Variants in IPO11 observed in about 807,000 individuals in gnomAD.
IPO11 encodes importin-11.
In IPO11, 66 loss-of-function variants were observed where a neutral mutation model predicts 143.2. The ratio of observed to expected loss-of-function variants is 0.46; its 90% CI spans 0.38 to 0.57. The LOEUF is 0.57. IPO11 is among the 20% of genes least tolerant of loss of function. The pLI, the probability that IPO11 is intolerant of heterozygous loss-of-function variation, is 0.00. For synonymous variants in IPO11, 385 were observed against 377.8 expected (o/e 1.02, Z -0.22); for missense variants, 1,026 against 1,141.0 (o/e 0.90, Z 1.45).
chr5:62,452,432 C>T (rs1744966480), intron 5 of IPO11, among the ~76,000 whole-genome samples: 1 of 150,744 alleles, frequency 6.6e-6, no homozygotes, highest in East Asian at 1.9e-4. Flanking sequence ...ACTCTGAAGG[C>T]AAGGAGGTCA....
At position 62,470,670 on chromosome 5, in the gene IPO11, A is replaced by C. The variant is rs1745730734; in HGVS notation, c.708+362A>C. The stretch of plus-strand genomic sequence containing the variant: ...TTTTCCTTTGTTTTTATGTATTTAA[A>C]ATAAATTTGTTTTTTTCTGTCTGAT... On this transcript the variant is annotated intron_variant, in intron 7 of 29. Transcript: ENST00000325324. 2.6e-5 allele frequency among the ~76,000 whole-genome samples: 4 copies of C among 152,108 alleles called. No individual in the cohort carries two copies. In the South Asian group the frequency reaches 8.3e-4, roughly 32 times the overall value.
chr5:62,595,607 G>A (rs961455390), intron 28 of IPO11, among the ~76,000 whole-genome samples: 3 of 152,102 alleles, frequency 2.0e-5, no homozygotes, highest in African/African-American at 7.2e-5. Context: ...AAGATAAATG[G>A]ATAGTCAACA....
chr5:62,473,494 A>T (rs953078440), intron 7 of IPO11, among the ~76,000 whole-genome samples: 2 of 152,200 alleles, frequency 1.3e-5, no homozygotes, highest in Admixed American at 1.3e-4. Flanking sequence ...TCAGACACTA[A>T]GTCTTCAGAT....
intron 20 of IPO11, among the ~76,000 whole-genome samples, chr5:62,522,909 T>C (rs1742249989): frequency 6.6e-6 from 1 of 152,216 alleles, no homozygotes; most frequent in Non-Finnish European, 1.5e-5. Context: ...GAAGTCCTCT[T>C]ATTATTAATA....
chr5:62,551,344 T>A lies in IPO11; in HGVS notation c.2460+8T>A, dbSNP rs780892143. 3 of 1,303,532 alleles carry A rather than the reference T, an allele frequency of 2.3e-6. No homozygotes were observed. Among genetic ancestry groups the A allele is most frequent in the African/African-American group, 2.9e-5 (2 of 68,640 alleles). 80.7% of individuals were successfully genotyped at this position (1,303,532 alleles called of 1,614,324 possible). On this transcript the variant is annotated splice_region_variant and intron_variant, in intron 26 of 29. Coordinates refer to ENST00000325324, the MANE Select transcript of IPO11 (RefSeq NM_016338.5). Reference sequence around the variant, plus strand: ...CATAAATTTAATCAGGAGGTAAGAATCAATATACTTAAATTTAAGGAAGTC... The same window carrying A: ...CATAAATTTAATCAGGAGGTAAGAAACAATATACTTAAATTTAAGGAAGTC...
intron 29 of IPO11, among the ~76,000 whole-genome samples, chr5:62,613,937 A>G (rs1409187213): frequency 2.0e-5 from 3 of 152,186 alleles, no homozygotes; most frequent in African/African-American, 2.4e-5. Context: ...CAAGCCTTCA[A>G]GTCTTCCCTG....
intron 11 of IPO11, among the ~76,000 whole-genome samples, 168 bp from the exon 12 acceptor site, chr5:62,485,251 A>G (rs896604906): frequency 6.6e-6 from 1 of 152,204 alleles, no homozygotes; most frequent in African/African-American, 2.4e-5. Context: ...CACAACTGTG[A>G]TCTGTAGCAT....
intron 29 of IPO11, among the ~76,000 whole-genome samples, chr5:62,611,778 C>A (rs1745935326): frequency 6.6e-6 from 1 of 152,156 alleles, no homozygotes; most frequent in Non-Finnish European, 1.5e-5. Context: ...ACTTAGGTAA[C>A]ATGCCAGGGT....
intron 28 of IPO11, among the ~76,000 whole-genome samples, chr5:62,597,499 T>C (rs1745269084): frequency 6.6e-6 from 1 of 152,194 alleles, no homozygotes; most frequent in Non-Finnish European, 1.5e-5. Context: ...AATAGGGTAC[T>C]GAAACAGCTG....
chr5:62,593,368 G>T (rs931731190), intron 28 of IPO11, among the ~76,000 whole-genome samples: 1 of 152,174 alleles, frequency 6.6e-6, no homozygotes, highest in Admixed American at 6.5e-5. Flanking sequence ...TGAAAAGTTA[G>T]CTGGGCACAG....
chr5:62,464,426 A>G (rs1033333247), intron 5 of IPO11, among the ~76,000 whole-genome samples: 1 of 151,640 alleles, frequency 6.6e-6, no homozygotes. Context: ...GGTGTGAGCC[A>G]CTGTGCCCAG....
chr5:62,440,573 T>C (rs1744432656), intron 2 of IPO11, among the ~76,000 whole-genome samples: 1 of 151,812 alleles, frequency 6.6e-6, no homozygotes, highest in South Asian at 2.1e-4. Context: ...GCCAGGCTGG[T>C]CTCTAACTCC....
intron 28 of IPO11, among the ~76,000 whole-genome samples, chr5:62,596,147 G>A (rs1745205727): frequency 6.7e-6 from 1 of 150,204 alleles, no homozygotes; most frequent in African/African-American, 2.5e-5. Flanking sequence ...TTTAGTCCCT[G>A]CTTAGCAGCT....
chr5:62,566,953 G>A (rs985904719), intron 27 of IPO11, among the ~76,000 whole-genome samples: 28 of 152,052 alleles, frequency 1.8e-4, no homozygotes, highest in African/African-American at 6.0e-4. Flanking sequence ...TCAGCCTCCT[G>A]AGTAGCTGGG....
rs763905125 is a variant in IPO11 at position 62,515,481 on chromosome 5, A to G, written c.1876A>G (p.Thr626Ala). The G allele has an allele frequency of 2.5e-6, 4 of 1,604,088 alleles. No individual in the cohort carries two copies. The highest frequency in any genetic ancestry group is 2.3e-5 in the East Asian group (1 of 44,324). Reference protein sequence around the residue: ...HNMLRCAILTTLIHLVQGLGA... With the variant: ...HNMLRCAILTALIHLVQGLGA... ...TATGTTGAGATGTGCTATTTTGACA[A>G]CACTTATTCATCTTGTTCAGGTAAG... is the stretch of plus-strand genomic sequence containing the variant. The change falls in exon 20 of 30, where the codon ACA (threonine) becomes GCA (alanine). Residue 626 changes from threonine (T) to alanine (A), a missense_variant. This residue lies in a region of IPO11 where 237 missense variants were observed against 288.0 expected (regional missense o/e 0.82). Coordinates refer to ENST00000325324, the MANE Select transcript of IPO11 (RefSeq NM_016338.5).
In IPO11 at chr5:62,515,478, A is replaced by G; in HGVS notation, c.1873A>G (p.Thr625Ala). The stretch of plus-strand genomic sequence containing the variant: ...CAATATGTTGAGATGTGCTATTTTG[A>G]CAACACTTATTCATCTTGTTCAGGT... ...EHNMLRCAIL[T>A]TLIHLVQGLG... is the part of the protein sequence containing the mutation. Residue 625 changes from threonine (T) to alanine (A), a missense_variant, in exon 20 of 30, where the codon ACA becomes GCA. Transcript: ENST00000325324. 1 of 1,606,116 alleles carries G rather than the reference A, an allele frequency of 6.2e-7. No homozygotes were observed. Among genetic ancestry groups the G allele is most frequent in the Non-Finnish European group, 8.5e-7 (1 of 1,176,918 alleles).
rs115700040 is a variant in IPO11 at position 62,490,215 on chromosome 5, C to T, written c.1458C>T (p.His486=). The change falls in exon 15 of 30, where the codon CAC becomes CAT. Residue 486 remains histidine, a synonymous_variant. Transcript: ENST00000325324. Reference sequence around the variant, plus strand: ...TTCTTCCAGAATTACAAGTCATTCACAATAGGCAAGTATAAAATTTTATAT... The same window carrying T: ...TTCTTCCAGAATTACAAGTCATTCATAATAGGCAAGTATAAAATTTTATAT... ...NQLLPELQVI[H]NRYKPLRRRV... is the part of the protein sequence containing the mutation. 4.3e-4 allele frequency: 674 copies of T among 1,575,330 alleles called. 3 individuals carry two copies. In the African/African-American group the frequency reaches 6.9e-3, roughly 16 times the overall value.
In IPO11 at chr5:62,492,908, GA is replaced by G. The variant is rs201073108; in HGVS notation, c.1464-1080del. 1.1e-3 allele frequency among the ~76,000 whole-genome samples: 159 copies of G among 147,362 alleles called. 1 individual carries two copies. The highest frequency in any genetic ancestry group is 3.4e-3 in the African/African-American group (135 of 40,172). ...ATCTTTTAAAATTGCAATTTTTTGG[GA>G]AAAAAAAAAGTGTTTCATTTATACC... is the stretch of plus-strand genomic sequence containing the variant. On this transcript the variant is annotated intron_variant, in intron 15 of 29. Transcript: ENST00000325324.
At chr5:62,592,556 AG>A (rs1333832343) in intron 28 of IPO11, among the ~76,000 whole-genome samples, 6 of 152,296 alleles carry the variant, frequency 3.9e-5, no homozygotes, top group Admixed American at 1.3e-4. Context: ...AGTTAATGTA[AG>A]GGTTTATGGC....
Sources: gnomAD v4.1 joint callset for allele counts (sites outside exome capture counted in the v4.1 genomes callset) on GRCh38, gnomAD v4.1.1 for gene constraint, gnomAD v4.1.1 regional missense constraint, MANE v1.5 for transcripts, NCBI Gene and HGNC (gene_info 2026-07-23, HGNC 2026-07-21) for gene names.